Variants in SORCS1 observed in about 807,000 individuals in gnomAD.
The protein encoded by SORCS1 is sortilin related VPS10 domain containing receptor 1.
Under a neutral mutation model 146.1 loss-of-function variants are expected in SORCS1, and 60 were observed. The observed-to-expected ratio is 0.41, with a 90% CI of 0.33 to 0.51. The LOEUF is 0.51. Among genes scored for constraint, SORCS1 ranks in the 20% least tolerant of loss-of-function variants. SORCS1 has a pLI of 0.21. For missense variants in SORCS1, 1,352 were observed against 1,487.6 expected (o/e 0.91, Z 1.50); for synonymous variants, 637 against 584.0 (o/e 1.09, Z -1.31).
intron 3 of SORCS1, among the ~76,000 whole-genome samples, chr10:106,801,914 C>T (rs1426896760): frequency 1.3e-5 from 2 of 152,140 alleles, no homozygotes; most frequent in African/African-American, 4.8e-5. Flanking sequence ...TGATAAGTGG[C>T]CAAACCAGGA....
At chr10:106,624,253 A>G (rs1200507173) in intron 19 of SORCS1, among the ~76,000 whole-genome samples, 1 of 152,124 alleles carries the variant, frequency 6.6e-6, no homozygotes, top group East Asian at 1.9e-4. Flanking sequence ...GTAAGTGAAA[A>G]GACCACGAGG....
chr10:106,991,588 T>C (rs1956773827), intron 1 of SORCS1, among the ~76,000 whole-genome samples: 1 of 152,104 alleles, frequency 6.6e-6, no homozygotes, highest in African/African-American at 2.4e-5. Flanking sequence ...TGAAACAGAG[T>C]CAACAGAACC....
At chr10:107,145,920 C>T (rs940009308) in intron 1 of SORCS1, among the ~76,000 whole-genome samples, 2 of 152,106 alleles carry the variant, frequency 1.3e-5, no homozygotes, top group African/African-American at 4.8e-5. Flanking sequence ...TAAGTCAGTG[C>T]CTTATTTCAC....
At chr10:106,864,107 A>G (rs1950137284) in intron 2 of SORCS1, among the ~76,000 whole-genome samples, 4 of 152,342 alleles carry the variant, frequency 2.6e-5, no homozygotes, top group East Asian at 1.9e-4. Context: ...ATAGAAAAAA[A>G]TCTAAAGTTG....
At chr10:106,979,645 T>C (rs972564017) in intron 1 of SORCS1, among the ~76,000 whole-genome samples, 1 of 152,038 alleles carries the variant, frequency 6.6e-6, no homozygotes, top group Non-Finnish European at 1.5e-5. Flanking sequence ...CATAACAAAA[T>C]TAGCTGGAAG....
intron 2 of SORCS1, among the ~76,000 whole-genome samples, chr10:106,850,979 C>G (rs1338801077): frequency 2.0e-5 from 3 of 152,176 alleles, no homozygotes; most frequent in African/African-American, 4.8e-5. Context: ...TGTCCCTCAT[C>G]TCTCACATGC....
intron 2 of SORCS1, among the ~76,000 whole-genome samples, chr10:106,897,181 T>G (rs2138002941): frequency 6.6e-6 from 1 of 151,718 alleles, no homozygotes; most frequent in Admixed American, 6.6e-5. Context: ...TCGCCTGGCC[T>G]GTTTTGTTTG....
chr10:107,061,822 A>G (rs572900671), intron 1 of SORCS1, among the ~76,000 whole-genome samples: 1 of 152,326 alleles, frequency 6.6e-6, no homozygotes, highest in South Asian at 2.1e-4. Flanking sequence ...GACTCATTAA[A>G]AACTGCAAAT....
intron 19 of SORCS1, among the ~76,000 whole-genome samples, chr10:106,622,913 G>A (rs1336185100): frequency 6.6e-6 from 1 of 152,190 alleles, no homozygotes; most frequent in Non-Finnish European, 1.5e-5. Context: ...AAGAGTTGCT[G>A]CCTCCTCATC....
chr10:106,920,602 T>C (rs1240401869), intron 2 of SORCS1, among the ~76,000 whole-genome samples: 1 of 152,242 alleles, frequency 6.6e-6, no homozygotes, highest in Non-Finnish European at 1.5e-5. Context: ...GGTCATCTGC[T>C]CTTTAATGAG....
At chr10:106,667,827 C>A (rs1280067661) in intron 16 of SORCS1, 25 bp from the exon 17 acceptor site, 2 of 1,590,156 alleles carry the variant, frequency 1.3e-6, no homozygotes, top group South Asian at 1.1e-5. Context: ...CCGAGAAAAA[C>A]CTTTCACTAG....
intron 17 of SORCS1, among the ~76,000 whole-genome samples, chr10:106,653,524 C>T (rs1850044786): frequency 1.3e-5 from 2 of 152,190 alleles, no homozygotes; most frequent in African/African-American, 4.8e-5. Flanking sequence ...TTTGTCACAA[C>T]TACTTATCTC....
intron 2 of SORCS1, among the ~76,000 whole-genome samples, chr10:106,896,688 CT>C (rs1951492712): frequency 6.6e-6 from 1 of 151,202 alleles, no homozygotes; most frequent in Non-Finnish European, 1.5e-5. Flanking sequence ...TTAAAATGAA[CT>C]TTGACACACT....
At position 106,688,990 on chromosome 10, in the gene SORCS1, T is replaced by C. The variant is rs147082813; in HGVS notation, c.1414-652A>G. Among the ~76,000 whole-genome samples the C allele has an allele frequency of 3.6e-3, 553 of 152,328 alleles. 4 individuals are homozygous for C. The highest frequency in any genetic ancestry group is 0.013 in the African/African-American group (522 of 41,564). ...ACCAATTACTGTTGCTTTATTTCTA[T>C]GTAAGATCTCTCTGTTAAGCCACCA... On this transcript the variant is annotated intron_variant, in intron 9 of 25. Coordinates refer to ENST00000263054, the MANE Select transcript of SORCS1 (RefSeq NM_052918.5).
chr10:107,116,512 A>G (rs1966047449), intron 1 of SORCS1, among the ~76,000 whole-genome samples: 1 of 152,178 alleles, frequency 6.6e-6, no homozygotes, highest in Non-Finnish European at 1.5e-5. Flanking sequence ...AAATCCTGCC[A>G]TATATAAAAA....
chr10:106,827,931 T>C (rs1948371409), intron 3 of SORCS1, among the ~76,000 whole-genome samples: 1 of 152,242 alleles, frequency 6.6e-6, no homozygotes, highest in East Asian at 1.9e-4. Flanking sequence ...AAATTGTTAA[T>C]GTCTAAAGTA....
chr10:106,779,444 A>T (rs545621844), intron 3 of SORCS1, among the ~76,000 whole-genome samples: 1 of 151,482 alleles, frequency 6.6e-6, no homozygotes, highest in Admixed American at 6.6e-5. Flanking sequence ...AAGTTAAACC[A>T]TGTTTGTGTT....
At chr10:106,961,656 G>A (rs1028891615) in intron 1 of SORCS1, among the ~76,000 whole-genome samples, 3 of 152,216 alleles carry the variant, frequency 2.0e-5, no homozygotes, top group Admixed American at 6.5e-5. Flanking sequence ...GCAGATGACA[G>A]CAAAGGCAAT....
intron 18 of SORCS1, among the ~76,000 whole-genome samples, chr10:106,637,051 T>A (rs1247696643): frequency 6.6e-6 from 1 of 152,154 alleles, no homozygotes; most frequent in East Asian, 1.9e-4. Flanking sequence ...AGCTACAAAA[T>A]GGGTTTGTGA....
Sources: allele counts gnomAD v4.1 joint callset (sites outside exome capture counted in the v4.1 genomes callset), GRCh38; gene constraint gnomAD v4.1.1; transcripts MANE v1.5; gene names NCBI Gene and HGNC (gene_info 2026-07-23, HGNC 2026-07-21).